The following MAGI2 variants were observed in gnomAD, a reference collection of about 807,000 sequenced individuals.
MAGI2 encodes the protein membrane-associated guanylate kinase, WW and PDZ domain-containing protein 2.
In MAGI2, 35 loss-of-function variants were observed where a neutral mutation model predicts 133.3. The ratio of observed to expected loss-of-function variants is 0.26; its 90% CI spans 0.20 to 0.35. The LOEUF is 0.35. MAGI2 is among the 10% of genes least tolerant of loss of function. MAGI2 has a pLI of 1.00. For synonymous variants in MAGI2, 729 were observed against 710.6 expected (o/e 1.03, Z -0.41); for missense variants, 1,636 against 1,863.4 (o/e 0.88, Z 2.25).
At chr7:78,303,762 C>T (rs1021603039) in intron 9 of MAGI2, among the ~76,000 whole-genome samples, 1 of 152,058 alleles carries the variant, frequency 6.6e-6, no homozygotes, top group Admixed American at 6.6e-5. Flanking sequence ...ACACTAATTC[C>T]CTTGGTGATC....
intron 5 of MAGI2, among the ~76,000 whole-genome samples, chr7:78,497,214 TAA>T (rs1220672378): frequency 2.0e-5 from 3 of 152,214 alleles, no homozygotes; most frequent in African/African-American, 7.2e-5. Context: ...ATTATACATT[TAA>T]AAGTCTCCTG....
intron 2 of MAGI2, among the ~76,000 whole-genome samples, chr7:78,655,721 C>T (rs984859739): frequency 2.6e-5 from 4 of 152,018 alleles, no homozygotes; most frequent in Non-Finnish European, 2.9e-5. Flanking sequence ...GTGGCTCACG[C>T]CTGTAATCCC....
chr7:79,296,497 T>C (rs987595960), intron 1 of MAGI2, among the ~76,000 whole-genome samples: 2 of 152,188 alleles, frequency 1.3e-5, no homozygotes, highest in African/African-American at 4.8e-5. Flanking sequence ...ATAACACTCC[T>C]CAGTCATAAA....
rs1265266097 is a variant in MAGI2, at chr7:78,209,139, G to C, written c.2048-7946C>G. ...TGGGAGGCTGAGGCAGGAGAATGGC[G>C]TGAACCCGGGAGGCGGAGCTTGCAG... On this transcript the variant is annotated intron_variant, in intron 10 of 21. Transcript: ENST00000354212. Among the ~76,000 whole-genome samples the C allele has an allele frequency of 2.0e-4, 17 of 85,832 alleles. 1 individual carries two copies. Among genetic ancestry groups the C allele is most frequent in the East Asian group, 1.2e-3 (3 of 2,422 alleles). The allele number at this position is 85,832 out of a possible 152,430, so 56.3% of individuals were successfully genotyped here. A position where few individuals can be genotyped will look rare whatever the true frequency, so the allele number is the denominator to read the frequency against.
rs146108379 is a variant in MAGI2, at chr7:78,699,462, G to A, written c.419-72223C>T. ...TTGTATGAAATTACCTTCAGGCTAT[G>A]TATGTAAGGTGTATATAAGACAAAT... On this transcript the variant is annotated intron_variant, in intron 2 of 21. Transcript: ENST00000354212. Among the ~76,000 whole-genome samples, 58 of 152,282 alleles carry A rather than the reference G, an allele frequency of 3.8e-4. 1 individual carries two copies. In the East Asian group the frequency reaches 8.9e-3, roughly 23 times the overall value.
At chr7:79,403,906 C>T (rs567955842) in intron 1 of MAGI2, among the ~76,000 whole-genome samples, 1 of 152,136 alleles carries the variant, frequency 6.6e-6, no homozygotes, top group South Asian at 2.1e-4. Flanking sequence ...GTGAAAACTG[C>T]GATATTAAAC....
At chr7:79,440,132 G>T (rs1848401194) in intron 1 of MAGI2, among the ~76,000 whole-genome samples, 1 of 151,140 alleles carries the variant, frequency 6.6e-6, no homozygotes, top group Admixed American at 6.6e-5. Flanking sequence ...GGGATCCCCT[G>T]GCTTTTCCTC....
intron 7 of MAGI2, among the ~76,000 whole-genome samples, chr7:78,365,501 TACTTA>T (rs1187898033): frequency 6.6e-6 from 1 of 152,244 alleles, no homozygotes; most frequent in Non-Finnish European, 1.5e-5. Context: ...CTGGATAAGT[TACTTA>T]ACTTCTTTAG....
chr7:78,104,999 G>T (rs1455836705), intron 20 of MAGI2, among the ~76,000 whole-genome samples: 1 of 151,754 alleles, frequency 6.6e-6, no homozygotes, highest in Non-Finnish European at 1.5e-5. Context: ...TCATCTCCCA[G>T]AAGTTACTCT....
At chr7:78,239,651 G>A (rs1004737275) in intron 10 of MAGI2, among the ~76,000 whole-genome samples, 5 of 152,204 alleles carry the variant, frequency 3.3e-5, no homozygotes, top group African/African-American at 1.2e-4. Flanking sequence ...CAAGTATATG[G>A]AAATTGCTCA....
At chr7:78,969,234 G>C (rs1188992142) in intron 2 of MAGI2, among the ~76,000 whole-genome samples, 1 of 152,060 alleles carries the variant, frequency 6.6e-6, no homozygotes, top group Admixed American at 6.5e-5. Context: ...GTCTTTTCTC[G>C]AGCTGTGTAA....
chr7:78,603,165 T>C (rs1236475491), intron 3 of MAGI2, among the ~76,000 whole-genome samples: 2 of 152,158 alleles, frequency 1.3e-5, no homozygotes, highest in South Asian at 2.1e-4. Flanking sequence ...AAACTGATAA[T>C]GTAAAGTACT....
intron 1 of MAGI2, among the ~76,000 whole-genome samples, chr7:79,199,134 T>C (rs987630894): frequency 2.0e-5 from 3 of 152,188 alleles, no homozygotes; most frequent in Non-Finnish European, 4.4e-5. Flanking sequence ...ATTATTACAT[T>C]GAAATACTAA....
At chr7:78,909,365 G>A (rs1415923431) in intron 2 of MAGI2, among the ~76,000 whole-genome samples, 1 of 151,078 alleles carries the variant, frequency 6.6e-6, no homozygotes, top group Non-Finnish European at 1.5e-5. Flanking sequence ...AGGCTGAGGT[G>A]GGTGGATCAC....
At chr7:78,277,248 C>A (rs1270026297) in intron 9 of MAGI2, among the ~76,000 whole-genome samples, 1 of 152,076 alleles carries the variant, frequency 6.6e-6, no homozygotes, top group Non-Finnish European at 1.5e-5. Context: ...GGAAAATTAT[C>A]ATAATTTATT....
chr7:79,248,674 C>G (rs1832992022), intron 1 of MAGI2, among the ~76,000 whole-genome samples: 1 of 151,998 alleles, frequency 6.6e-6, no homozygotes, highest in Admixed American at 6.6e-5. Flanking sequence ...AGTATCTCCT[C>G]TGACCAGAAT....
chr7:78,074,266 A>G lies in MAGI2; in HGVS notation c.3706+4681T>C, dbSNP rs193016990. Reference sequence around the variant, plus strand: ...GAGTCATGCTGATTTTGTTTAGTCAATGCTCTGACAGATCGCCTTTGGTAT... The same window carrying G: ...GAGTCATGCTGATTTTGTTTAGTCAGTGCTCTGACAGATCGCCTTTGGTAT... On this transcript the variant is annotated intron_variant, in intron 21 of 21. Transcript: ENST00000354212. Among the ~76,000 whole-genome samples the G allele has an allele frequency of 7.2e-5, 11 of 152,246 alleles. No individual in the cohort carries two copies. In the East Asian group the frequency reaches 1.9e-3, roughly 27 times the overall value.
At chr7:78,684,668 G>C (rs1371787127) in intron 2 of MAGI2, among the ~76,000 whole-genome samples, 1 of 152,028 alleles carries the variant, frequency 6.6e-6, no homozygotes, top group Non-Finnish European at 1.5e-5. Flanking sequence ...CTGAGGAATG[G>C]AATGAAAATA....
chr7:78,658,693 C>T (rs1812576226), intron 2 of MAGI2, among the ~76,000 whole-genome samples: 1 of 152,120 alleles, frequency 6.6e-6, no homozygotes, highest in African/African-American at 2.4e-5. Context: ...ATACGGATGG[C>T]AAATAAGCAC....
Sources: allele counts gnomAD v4.1 joint callset (sites outside exome capture counted in the v4.1 genomes callset), GRCh38; gene constraint gnomAD v4.1.1; transcripts MANE v1.5; gene names NCBI Gene and HGNC (gene_info 2026-07-23, HGNC 2026-07-21).